DGKB: variants seen among roughly 807,000 people sequenced by gnomAD.
The protein encoded by DGKB is 90 kDa diacylglycerol kinase.
A neutral mutation model predicts 114.3 loss-of-function variants in DGKB; 67 were observed. The observed-to-expected ratio is 0.59, with a 90% confidence interval of 0.48 to 0.72. The LOEUF is 0.72. DGKB is among the 30% of genes least tolerant of loss of function. The probability of loss-of-function intolerance (pLI) is 0.00; values close to 1 mark genes in which losing one functional copy is unlikely to be tolerated. For synonymous variants in DGKB, 398 were observed against 323.1 expected (o/e 1.23, Z -2.49); for missense variants, 907 against 975.2 (o/e 0.93, Z 0.93).
intron 2 of DGKB, among the ~76,000 whole-genome samples, chr7:14,821,368 A>G (rs1373664763): frequency 1.3e-5 from 2 of 152,198 alleles, no homozygotes; most frequent in African/African-American, 4.8e-5. Context: ...TAATTTAAAT[A>G]GGAAATACAC....
intron 21 of DGKB, among the ~76,000 whole-genome samples, chr7:14,410,069 T>C (rs1272218769): frequency 6.6e-6 from 1 of 152,018 alleles, no homozygotes; most frequent in African/African-American, 2.4e-5. Flanking sequence ...TTGGTATCCC[T>C]AACTCTTGCA....
chr7:14,198,863 G>C (rs1785409900), intron 23 of DGKB, among the ~76,000 whole-genome samples: 1 of 151,982 alleles, frequency 6.6e-6, no homozygotes, highest in South Asian at 2.1e-4. Context: ...AACCTGGAAG[G>C]ACAGGGCGAA....
intron 2 of DGKB, among the ~76,000 whole-genome samples, chr7:14,829,638 T>A (rs781565571): frequency 3.7e-4 from 57 of 152,222 alleles, no homozygotes; most frequent in Non-Finnish European, 7.4e-4. Flanking sequence ...CGTGAAGCAA[T>A]CCTTATGTTA....
chr7:14,519,462 A>G (rs10274418), intron 20 of DGKB, among the ~76,000 whole-genome samples: 65,657 of 151,622 alleles, frequency 0.43, 15,008 homozygotes, highest in East Asian at 0.72. Context: ...TTACAGGTAA[A>G]CTGCATTTTG....
intron 23 of DGKB, among the ~76,000 whole-genome samples, chr7:14,247,825 T>C (rs1411157450): frequency 6.6e-6 from 1 of 152,142 alleles, no homozygotes; most frequent in African/African-American, 2.4e-5. Flanking sequence ...ATTATTTCTT[T>C]TGCTGTGCAG....
chr7:14,861,525 A>G (rs1273053640), intron 1 of DGKB, among the ~76,000 whole-genome samples: 2 of 152,040 alleles, frequency 1.3e-5, no homozygotes, highest in East Asian at 1.9e-4. Context: ...GAAAAATAAT[A>G]AAGTACCCTC....
intron 2 of DGKB, among the ~76,000 whole-genome samples, chr7:14,761,273 G>A (rs1187204989): frequency 2.0e-5 from 3 of 152,080 alleles, no homozygotes; most frequent in Non-Finnish European, 4.4e-5. Context: ...ATTTGCGCAT[G>A]GAACACCAGA....
At chr7:14,325,913 G>C (rs189315206) in intron 23 of DGKB, among the ~76,000 whole-genome samples, 45 of 152,032 alleles carry the variant, frequency 3.0e-4, no homozygotes, top group African/African-American at 1.0e-3. Flanking sequence ...AAATTTTATA[G>C]AAAAATAATA....
chr7:14,351,584 T>G (rs983452606), intron 21 of DGKB, among the ~76,000 whole-genome samples: 4 of 152,184 alleles, frequency 2.6e-5, no homozygotes, highest in Non-Finnish European at 5.9e-5. Context: ...TTGAATAAAA[T>G]CAGCAATTTA....
At chr7:14,383,809 C>G (rs534523084) in intron 21 of DGKB, among the ~76,000 whole-genome samples, 90 of 152,318 alleles carry the variant, frequency 5.9e-4, no homozygotes, top group African/African-American at 2.0e-3. Flanking sequence ...TGTCTTTTAG[C>G]TGAATGCATT....
rs1365372321 is a variant in DGKB at position 14,376,968 on chromosome 7, A to G, written c.1836-31577T>C. On this transcript the variant is annotated intron_variant, in intron 21 of 25. Transcript: ENST00000402815. ...AGTTTTTCAAGAGACCCATACTGCA[A>G]GGCCACATTGTGGACTATGTAACTT... 2.0e-5 allele frequency among the ~76,000 whole-genome samples: 3 copies of G among 152,226 alleles called. No individual in the cohort carries two copies. The East Asian group carries it at 5.8e-4, about 29-fold the overall frequency.
intron 21 of DGKB, among the ~76,000 whole-genome samples, chr7:14,387,676 T>G (rs547553531): frequency 1.3e-5 from 2 of 151,956 alleles, no homozygotes; most frequent in Non-Finnish European, 2.9e-5. Context: ...CTCAGCCTCC[T>G]AAAGTGCTGA....
chr7:14,494,678 T>C (rs535969612), intron 20 of DGKB, among the ~76,000 whole-genome samples: 1 of 152,040 alleles, frequency 6.6e-6, no homozygotes, highest in African/African-American at 2.4e-5. Context: ...TTCTCTGACA[T>C]CAAATATGCA....
chr7:14,330,480 G>C (rs1015696218), intron 23 of DGKB, among the ~76,000 whole-genome samples: 1 of 151,922 alleles, frequency 6.6e-6, no homozygotes, highest in Admixed American at 6.6e-5. Context: ...CCACTTTTCT[G>C]TTTAAATGAT....
chr7:14,958,466 C>CACACAT, intron 1 of DGKB, among the ~76,000 whole-genome samples: 1 of 149,048 alleles, frequency 6.7e-6, no homozygotes, highest in Non-Finnish European at 1.5e-5. Context: ...CACACACACA[C>CACACAT]ACACACACAC....
At chr7:14,502,589 G>T (rs1689060188) in intron 20 of DGKB, among the ~76,000 whole-genome samples, 1 of 151,954 alleles carries the variant, frequency 6.6e-6, no homozygotes, top group African/African-American at 2.4e-5. Context: ...TTAGTTTTCT[G>T]GTGGGAAAAT....
At chr7:14,559,627 T>A (rs564908065) in intron 20 of DGKB, among the ~76,000 whole-genome samples, 1 of 152,316 alleles carries the variant, frequency 6.6e-6, no homozygotes, top group East Asian at 1.9e-4. Context: ...CAATTGAATT[T>A]TTTGTTACAT....
chr7:14,851,061 C>G (rs886605326), intron 1 of DGKB, among the ~76,000 whole-genome samples: 3 of 152,096 alleles, frequency 2.0e-5, no homozygotes, highest in Non-Finnish European at 4.4e-5. Flanking sequence ...TGGTTATTTT[C>G]TCTTTGCTTT....
chr7:14,498,877 G>A (rs865934640), intron 20 of DGKB, among the ~76,000 whole-genome samples: 52 of 151,824 alleles, frequency 3.4e-4, no homozygotes, highest in African/African-American at 1.2e-3. Context: ...TGGTAAGGAA[G>A]GTCAAGAGAG....
Sources: gnomAD v4.1 joint callset for allele counts (sites outside exome capture counted in the v4.1 genomes callset) on GRCh38, gnomAD v4.1.1 for gene constraint, MANE v1.5 for transcripts, NCBI Gene and HGNC (gene_info 2026-07-23, HGNC 2026-07-21) for gene names.